ZDHHC11B: variants seen among roughly 807,000 people sequenced by gnomAD.
ZDHHC11B encodes the protein zDHHC palmitoyltransferase 11B (putative), also known as probable palmitoyltransferase ZDHHC11B.
Under a neutral mutation model 42.3 loss-of-function variants are expected in ZDHHC11B, and 17 were observed. The observed-to-expected ratio is 0.40, with a 90% CI of 0.27 to 0.60. ZDHHC11B has a LOEUF of 0.60. Among genes scored for constraint, ZDHHC11B ranks in the 20% least tolerant of loss-of-function variants. The pLI, the probability that ZDHHC11B is intolerant of heterozygous loss-of-function variation, is 0.41. For synonymous variants in ZDHHC11B, 123 were observed against 193.5 expected, an observed-to-expected ratio of 0.64 and a Z score of 3.02; for missense variants, 262 against 463.2, an observed-to-expected ratio of 0.57 and a Z score of 3.99.
intron 9 of ZDHHC11B, among the ~76,000 whole-genome samples, chr5:742,800 T>C (rs1476966611): frequency 2.0e-5 from 3 of 149,186 alleles, no homozygotes; most frequent in Non-Finnish European, 4.4e-5. Flanking sequence ...ATTTTCTTAA[T>C]GGTGACTTTT....
At chr5:771,774 T>G (rs1260636671) in intron 1 of ZDHHC11B, among the ~76,000 whole-genome samples, 1 of 149,998 alleles carries the variant, frequency 6.7e-6, no homozygotes, top group Non-Finnish European at 1.5e-5. Flanking sequence ...GAAAGAACCT[T>G]CTGGGATGCT....
intron 12 of ZDHHC11B, among the ~76,000 whole-genome samples, chr5:717,106 G>A (rs1487724937): frequency 6.6e-6 from 1 of 151,314 alleles, no homozygotes; most frequent in African/African-American, 2.4e-5. Context: ...GAGACAAAGT[G>A]TGCTTTCCCT....
chr5:749,395 G>C, intron 7 of ZDHHC11B, among the ~76,000 whole-genome samples: 1 of 130,540 alleles, frequency 7.7e-6, no homozygotes, highest in Non-Finnish European at 1.7e-5. Context: ...AGGCAGAATG[G>C]CAGAGGGTTG....
chr5:776,684 C>A (rs1314593126), intron 1 of ZDHHC11B, among the ~76,000 whole-genome samples: 1 of 151,924 alleles, frequency 6.6e-6, no homozygotes, highest in Non-Finnish European at 1.5e-5. Context: ...TGGACAGAGC[C>A]CCTGTGGAGC....
chr5:773,671 C>G (rs1377232050), intron 1 of ZDHHC11B, among the ~76,000 whole-genome samples: 2 of 151,884 alleles, frequency 1.3e-5, no homozygotes, highest in Non-Finnish European at 2.9e-5. Context: ...TGCCCCGACC[C>G]AGGTGCCTGC....
intron 1 of ZDHHC11B, among the ~76,000 whole-genome samples, chr5:776,756 CGAG>C (rs1449295998): frequency 1.8e-4 from 27 of 152,046 alleles, no homozygotes; most frequent in African/African-American, 6.3e-4. Context: ...GCCCTCCTGC[CGAG>C]GAGGTGCTTC....
intron 1 of ZDHHC11B, among the ~76,000 whole-genome samples, chr5:775,424 C>T (rs145598516): frequency 0.015 from 2,289 of 151,824 alleles, 56 homozygotes; most frequent in Non-Finnish European, 0.022. Context: ...CCTGTCTCTG[C>T]GGAGAAAGAC....
chr5:752,375 G>A lies in ZDHHC11B; in HGVS notation c.504-1118C>T, dbSNP rs548195173. Among the ~76,000 whole-genome samples, 7 of 97,914 alleles carry A rather than the reference G, an allele frequency of 7.1e-5. 1 individual carries two copies. Among genetic ancestry groups the A allele is most frequent in the Non-Finnish European group, 1.6e-4 (7 of 42,492 alleles). The allele number at this position is 97,914 out of a possible 152,430, so 64.2% of individuals were successfully genotyped here. The stretch of plus-strand genomic sequence containing the variant: ...AGACCAAATCCACTCCCAGTCTCTC[G>A]TCTTTGCTCAAAAGATGCAGAGAAT... On this transcript the variant is annotated intron_variant, in intron 6 of 13. Coordinates refer to ENST00000508859, the MANE Select transcript of ZDHHC11B (RefSeq NM_001351303.2).
intron 12 of ZDHHC11B, among the ~76,000 whole-genome samples, chr5:724,371 A>ATTT (rs386402805): frequency 0.012 from 963 of 81,322 alleles, 27 homozygotes; most frequent in African/African-American, 0.036. Context: ...AACCCAGCTA[A>ATTT]TTTTTTTTTT....
chr5:771,740 A>C (rs28472277), intron 1 of ZDHHC11B, among the ~76,000 whole-genome samples: 1 of 148,290 alleles, frequency 6.7e-6, no homozygotes, highest in African/African-American at 2.5e-5. Context: ...CACCCAGAAC[A>C]GTGGTGGGCG....
chr5:725,178 C>G (rs1357744761), intron 12 of ZDHHC11B, among the ~76,000 whole-genome samples: 1 of 151,294 alleles, frequency 6.6e-6, no homozygotes, highest in Non-Finnish European at 1.5e-5. Context: ...CAACTCCCTG[C>G]CTTGTGAGGA....
intron 8 of ZDHHC11B, among the ~76,000 whole-genome samples, chr5:746,155 G>A (rs1744785759): frequency 6.8e-6 from 1 of 148,060 alleles, no homozygotes; most frequent in Non-Finnish European, 1.5e-5. Flanking sequence ...GAGCTTCCAT[G>A]GAGGGGCCAA....
chr5:780,531 G>A (rs1356911510), intron 1 of ZDHHC11B, among the ~76,000 whole-genome samples: 1 of 147,704 alleles, frequency 6.8e-6, no homozygotes, highest in Non-Finnish European at 1.5e-5. Context: ...TTAAAAACAG[G>A]CAAAGCCAAA....
chr5:784,160 C>T lies in ZDHHC11B; in HGVS notation c.-230+508G>A, dbSNP rs1211084054. On this transcript the variant is annotated intron_variant, in intron 1 of 13. Coordinates refer to ENST00000508859, the MANE Select transcript of ZDHHC11B (RefSeq NM_001351303.2). Reference sequence around the variant, plus strand: ...GCGGTGGTGTCAGGACCCCGAGACCCGCTCATTCTGGGCCGTTTCTGTGGC... The same window carrying T: ...GCGGTGGTGTCAGGACCCCGAGACCTGCTCATTCTGGGCCGTTTCTGTGGC... Among the ~76,000 whole-genome samples the T allele has an allele frequency of 7.0e-4, 105 of 149,018 alleles. 3 individuals carry two copies. Among genetic ancestry groups the T allele is most frequent in the Non-Finnish European group, 1.3e-3 (89 of 66,716 alleles).
chr5:714,088 G>A (rs1052377235), intron 13 of ZDHHC11B, among the ~76,000 whole-genome samples: 1 of 130,730 alleles, frequency 7.6e-6, no homozygotes, highest in Non-Finnish European at 1.7e-5. Context: ...ATTTACACAC[G>A]CACTCACATG....
Position 716,946 on chromosome 5 carries a change from G to A in ZDHHC11B, c.1059-81C>T, listed in dbSNP as rs1467281174. ...TATACTGCCAAAGTGCACAAAATGTGTAAACAAGAGTACATTTTAGAGATT... is the reference window on the plus strand; with the variant it reads ...TATACTGCCAAAGTGCACAAAATGTATAAACAAGAGTACATTTTAGAGATT... On this transcript the variant is annotated intron_variant, in intron 12 of 13. Coordinates refer to ENST00000508859, the MANE Select transcript of ZDHHC11B (RefSeq NM_001351303.2). 26 of 1,590,010 alleles carry A rather than the reference G, an allele frequency of 1.6e-5. No individual in the cohort carries two copies. The South Asian group carries it at 2.7e-4, about 16-fold the overall frequency.
rs970896725 is a variant in ZDHHC11B, at chr5:756,586, C to T, written c.223-442G>A. ...CAGAGGCTCAGTCAGCCCAGCCAAG[C>T]ACAGTGACCCCAAAACCCTTTACAG... On this transcript the variant is annotated intron_variant, in intron 4 of 13. Transcript: ENST00000508859. Among the ~76,000 whole-genome samples, 6 of 151,834 alleles carry T rather than the reference C, an allele frequency of 4.0e-5. 1 individual carries two copies. Among genetic ancestry groups the T allele is most frequent in the Admixed American group, 6.6e-5 (1 of 15,218 alleles).
At chr5:730,008 T>C (rs1185649708) in intron 12 of ZDHHC11B, among the ~76,000 whole-genome samples, 1 of 151,162 alleles carries the variant, frequency 6.6e-6, no homozygotes, top group African/African-American at 2.4e-5. Flanking sequence ...CTTTTTAGTT[T>C]GGAGGGTGAA....
intron 8 of ZDHHC11B, among the ~76,000 whole-genome samples, chr5:745,903 C>T (rs1744750525): frequency 6.7e-6 from 1 of 149,598 alleles, no homozygotes; most frequent in Non-Finnish European, 1.5e-5. Context: ...GAGGTGAACA[C>T]GAGTGCTGTG....
Sources: allele counts gnomAD v4.1 joint callset (sites outside exome capture counted in the v4.1 genomes callset), GRCh38; gene constraint gnomAD v4.1.1; transcripts MANE v1.5; gene names NCBI Gene and HGNC (gene_info 2026-07-23, HGNC 2026-07-21).